Variants in CFAP61 observed in about 807,000 individuals in gnomAD.
CFAP61 encodes the protein cilia and flagella associated protein 61.
In CFAP61, 107 loss-of-function variants were observed where a neutral mutation model predicts 135.6. The observed-to-expected ratio is 0.79, with a 90% CI of 0.67 to 0.93. The LOEUF (loss-of-function observed/expected upper bound fraction) is 0.93, where lower values mean the gene tolerates loss of function less well. Ranked by LOEUF, CFAP61 falls within the 40% of genes least tolerant of loss-of-function variation. CFAP61 has a pLI of 0.00. For missense variants in CFAP61, 1,507 were observed against 1,556.2 expected (o/e 0.97, Z 0.53); for synonymous variants, 575 against 578.5 (o/e 0.99, Z 0.09).
intron 25 of CFAP61, 54 bp downstream of exon 25, chr20:20,298,440 C>A: frequency 6.9e-7 from 1 of 1,459,850 alleles, no homozygotes; most frequent in Non-Finnish European, 9.5e-7. Context: ...TATATAATGT[C>A]TGTGAATGAG....
chr20:20,061,704 C>T (rs375506410), intron 2 of CFAP61, among the ~76,000 whole-genome samples: 4 of 152,284 alleles, frequency 2.6e-5, no homozygotes, highest in Non-Finnish European at 5.9e-5. Flanking sequence ...GAGACTCTCC[C>T]GCCTCCCTGT....
chr20:20,101,937 A>G (rs2048058730), intron 8 of CFAP61, among the ~76,000 whole-genome samples: 1 of 151,954 alleles, frequency 6.6e-6, no homozygotes, highest in Non-Finnish European at 1.5e-5. Flanking sequence ...CAGTTTTTTC[A>G]CTTTAATAAG....
chr20:20,075,307 C>T (rs1375721957), intron 5 of CFAP61, 51 bp downstream of exon 5: 1 of 1,578,620 alleles, frequency 6.3e-7, no homozygotes, highest in African/African-American at 1.3e-5. Context: ...ATTGAAAATT[C>T]ACTCCCAGAA....
At chr20:20,096,405 A>G (rs779496846) in intron 7 of CFAP61, among the ~76,000 whole-genome samples, 8 of 152,248 alleles carry the variant, frequency 5.3e-5, no homozygotes, top group Admixed American at 1.3e-4. Flanking sequence ...CTAATGGCAA[A>G]ACATGTTTTT....
At chr20:20,069,659 C>T in intron 2 of CFAP61, 1 of 440,740 alleles carries the variant, frequency 2.3e-6, no homozygotes, top group Non-Finnish European at 4.5e-6. Flanking sequence ...AGACAGAAAC[C>T]AAAGTGTTGA....
intron 6 of CFAP61, among the ~76,000 whole-genome samples, chr20:20,082,121 T>C (rs7271462): frequency 0.047 from 7,130 of 152,254 alleles, 548 homozygotes; most frequent in African/African-American, 0.16. Flanking sequence ...GAACATCAAA[T>C]GGGCGTGGCT....
intron 13 of CFAP61, among the ~76,000 whole-genome samples, chr20:20,176,596 T>C (rs527563989): frequency 6.6e-6 from 1 of 152,184 alleles, no homozygotes; most frequent in African/African-American, 2.4e-5. Flanking sequence ...CTCAGCAAAC[T>C]AACACAGGAA....
intron 21 of CFAP61, among the ~76,000 whole-genome samples, chr20:20,276,884 G>T (rs1470947073): frequency 6.6e-6 from 1 of 152,152 alleles, no homozygotes; most frequent in Non-Finnish European, 1.5e-5. Context: ...CAAGATAAAA[G>T]GTTTTTTTCT....
chr20:20,252,203 GTC>G (rs1307129216), intron 20 of CFAP61, among the ~76,000 whole-genome samples: 4 of 152,084 alleles, frequency 2.6e-5, no homozygotes, highest in African/African-American at 7.2e-5. Flanking sequence ...ATTTTATTTT[GTC>G]TCTCAGTTAT....
intron 21 of CFAP61, chr20:20,267,573 G>A (rs916810099): frequency 1.3e-5 from 2 of 152,494 alleles, no homozygotes; most frequent in Admixed American, 1.3e-4. Context: ...TGCTGCATGT[G>A]GTGGTCTTGC....
chr20:20,287,784 A>T (rs539290107), intron 22 of CFAP61, among the ~76,000 whole-genome samples: 1 of 152,370 alleles, frequency 6.6e-6, no homozygotes, highest in East Asian at 1.9e-4. Flanking sequence ...GCGTGTTTCA[A>T]TTGGTCCAAC....
chr20:20,194,811 G>A (rs1476702016), intron 15 of CFAP61, among the ~76,000 whole-genome samples: 1 of 152,206 alleles, frequency 6.6e-6, no homozygotes, highest in Non-Finnish European at 1.5e-5. Flanking sequence ...TCACCTAGTG[G>A]TAGGGTTTCC....
chr20:20,254,747 A>G (rs1569199028), intron 20 of CFAP61, among the ~76,000 whole-genome samples: 1 of 152,244 alleles, frequency 6.6e-6, no homozygotes, highest in Non-Finnish European at 1.5e-5. Context: ...TTAAACCCAA[A>G]GCAAGAAGAC....
At chr20:20,104,575 G>A (rs369324284) in intron 8 of CFAP61, among the ~76,000 whole-genome samples, 3 of 152,184 alleles carry the variant, frequency 2.0e-5, no homozygotes, top group South Asian at 4.2e-4. Flanking sequence ...GTATCTACAG[G>A]GTGTGTTAGG....
At chr20:20,100,280 C>G (rs1369963824) in intron 8 of CFAP61, among the ~76,000 whole-genome samples, 1 of 151,514 alleles carries the variant, frequency 6.6e-6, no homozygotes, top group Non-Finnish European at 1.5e-5. Flanking sequence ...TCAAGTGATT[C>G]TCCTGTCTCA....
intron 9 of CFAP61, among the ~76,000 whole-genome samples, chr20:20,154,646 CAAAA>C (rs1013180526): frequency 6.6e-6 from 1 of 151,650 alleles, no homozygotes; most frequent in Non-Finnish European, 1.5e-5. Flanking sequence ...AACACACAAA[CAAAA>C]AAATCCCAAA....
Position 20,176,683 on chromosome 20 carries a change from C to T in CFAP61, c.1385+7223C>T, listed in dbSNP as rs576397623. Among the ~76,000 whole-genome samples, 6 of 151,924 alleles carry T rather than the reference C, an allele frequency of 3.9e-5. No homozygotes were observed. In the South Asian group the frequency reaches 6.3e-4, roughly 16 times the overall value. ...AGAACACATGAACACATGCGGGGGC[C>T]GGGAGCGGGGAACAACACACATTGG... On this transcript the variant is annotated intron_variant, in intron 13 of 26. Transcript: ENST00000245957.
intron 8 of CFAP61, among the ~76,000 whole-genome samples, chr20:20,120,965 C>T (rs1253493948): frequency 1.3e-5 from 2 of 151,970 alleles, no homozygotes; most frequent in African/African-American, 4.8e-5. Context: ...TTTTGGTTTT[C>T]AGTTGCATGG....
At chr20:20,106,959 G>A (rs937753541) in intron 8 of CFAP61, among the ~76,000 whole-genome samples, 2 of 152,202 alleles carry the variant, frequency 1.3e-5, no homozygotes, top group African/African-American at 4.8e-5. Flanking sequence ...TTAGTTGCTA[G>A]AAAACACGGT....
Sources: allele counts gnomAD v4.1 joint callset (sites outside exome capture counted in the v4.1 genomes callset), GRCh38; gene constraint gnomAD v4.1.1; transcripts MANE v1.5; gene names NCBI Gene and HGNC (gene_info 2026-07-23, HGNC 2026-07-21).